Variants in EEFSEC observed in about 807,000 individuals in gnomAD.
EEFSEC encodes eukaryotic elongation factor, selenocysteine-tRNA specific.
Under a neutral mutation model 42.1 loss-of-function variants are expected in EEFSEC, and 43 were observed. That is an observed-to-expected ratio of 1.02 (90% CI 0.80 to 1.32). The LOEUF (loss-of-function observed/expected upper bound fraction) is 1.32. Among genes scored for constraint, EEFSEC ranks in the 40% most tolerant of loss-of-function variants. The probability of loss-of-function intolerance (pLI) is 0.00; values close to 1 mark genes in which losing one functional copy is unlikely to be tolerated. For synonymous variants in EEFSEC, 354 were observed against 339.1 expected, an observed-to-expected ratio of 1.04 and a Z score of -0.48; for missense variants, 745 against 803.6, an observed-to-expected ratio of 0.93 and a Z score of 0.88.
intron 6 of EEFSEC, among the ~76,000 whole-genome samples, chr3:128,385,806 G>A (rs1036975846): frequency 2.1e-4 from 32 of 152,334 alleles, no homozygotes; most frequent in African/African-American, 6.7e-4. Flanking sequence ...CAAGAGGCAG[G>A]AGGCTGAGGC....
intron 4 of EEFSEC, among the ~76,000 whole-genome samples, chr3:128,332,310 C>T (rs1464956520): frequency 6.6e-6 from 1 of 152,172 alleles, no homozygotes; most frequent in African/African-American, 2.4e-5. Flanking sequence ...TAAGTCTATA[C>T]AAGTTGAATG....
chr3:128,368,622 C>T (rs769131532), intron 6 of EEFSEC, among the ~76,000 whole-genome samples: 9 of 152,330 alleles, frequency 5.9e-5, no homozygotes, highest in Admixed American at 2.6e-4. Flanking sequence ...GGCCACTTCC[C>T]GGAAGCTTTC....
At chr3:128,416,820 G>C in the EEFSEC span, among the ~76,000 whole-genome samples, 10 of 152,154 alleles carry the variant, frequency 6.6e-5, no homozygotes, top group Non-Finnish European at 1.3e-4. Context: ...AAGGGCAATG[G>C]AGAAATGAAG....
chr3:128,313,747 A>C (rs573971390), intron 4 of EEFSEC, among the ~76,000 whole-genome samples: 3 of 152,374 alleles, frequency 2.0e-5, no homozygotes, highest in African/African-American at 7.2e-5. Flanking sequence ...TCATGTGGAC[A>C]TATATGAATG....
intron 1 of EEFSEC, among the ~76,000 whole-genome samples, chr3:128,219,053 G>A (rs760208475): frequency 6.6e-6 from 1 of 152,204 alleles, no homozygotes; most frequent in Admixed American, 6.5e-5. Flanking sequence ...CTATGCCGAG[G>A]CCTGAGCAGA....
At chr3:128,404,266 G>A (rs1559961555) in intron 6 of EEFSEC, among the ~76,000 whole-genome samples, 3 of 152,210 alleles carry the variant, frequency 2.0e-5, no homozygotes, top group Admixed American at 1.3e-4. Flanking sequence ...GTGGCTTCCC[G>A]GCCAGTCCAT....
At chr3:128,373,999 G>A (rs539015530) in intron 6 of EEFSEC, among the ~76,000 whole-genome samples, 5 of 152,286 alleles carry the variant, frequency 3.3e-5, no homozygotes, top group African/African-American at 1.2e-4. Context: ...AGAGTTGAAG[G>A]CCCACCTCCT....
intron 6 of EEFSEC, among the ~76,000 whole-genome samples, chr3:128,401,073 T>C (rs2068043222): frequency 6.6e-6 from 1 of 152,074 alleles, no homozygotes; most frequent in South Asian, 2.1e-4. Flanking sequence ...GAGGCCCTAC[T>C]GAATGACAGA....
Position 128,201,058 on chromosome 3 carries a change from GTAT to G in EEFSEC, c.317-45768_317-45766del, listed in dbSNP as rs1022991699. On this transcript the variant is annotated intron_variant, in intron 1 of 6. Coordinates refer to ENST00000254730, the MANE Select transcript of EEFSEC (RefSeq NM_021937.5). ...TCTTATCCATGCACCACCTTTATTA[GTAT>G]TATTATTATGTTTACTTTAAACAGA... is the stretch of plus-strand genomic sequence containing the variant. Among the ~76,000 whole-genome samples, 300 of 152,142 alleles carry G rather than the reference GTAT, an allele frequency of 2.0e-3. 1 individual carries two copies. Among genetic ancestry groups the G allele is most frequent in the African/African-American group, 6.9e-3 (287 of 41,490 alleles).
At chr3:128,266,149 G>T (rs1480734537) in intron 4 of EEFSEC, among the ~76,000 whole-genome samples, 1 of 152,116 alleles carries the variant, frequency 6.6e-6, no homozygotes, top group African/African-American at 2.4e-5. Context: ...CTACATTATA[G>T]GGGTCATCTG....
intron 6 of EEFSEC, among the ~76,000 whole-genome samples, chr3:128,378,152 C>T (rs983380789): frequency 6.6e-6 from 1 of 152,182 alleles, no homozygotes; most frequent in Non-Finnish European, 1.5e-5. Context: ...AGTGTATACT[C>T]GTCACCCCAA....
intron 4 of EEFSEC, among the ~76,000 whole-genome samples, chr3:128,305,132 G>T (rs972086268): frequency 2.0e-5 from 3 of 152,052 alleles, no homozygotes; most frequent in Non-Finnish European, 4.4e-5. Context: ...TTTAAATCAA[G>T]GATTATTTTT....
intron 1 of EEFSEC, among the ~76,000 whole-genome samples, chr3:128,238,377 T>C (rs140699477): frequency 1.3e-5 from 2 of 152,356 alleles, no homozygotes; most frequent in Non-Finnish European, 2.9e-5. Flanking sequence ...AGTGTATGCA[T>C]ATTCTAACAG....
chr3:128,296,294 G>A (rs995532424), intron 4 of EEFSEC, among the ~76,000 whole-genome samples: 1 of 152,306 alleles, frequency 6.6e-6, no homozygotes, highest in East Asian at 1.9e-4. Context: ...TGCAGAAAGG[G>A]TGAGTGGAGG....
At chr3:128,202,028 C>T (rs762264682) in intron 1 of EEFSEC, among the ~76,000 whole-genome samples, 23 of 151,896 alleles carry the variant, frequency 1.5e-4, no homozygotes, top group Non-Finnish European at 2.5e-4. Context: ...TTTCTGGACT[C>T]TATTGTACTT....
At chr3:128,197,302 C>T (rs1040652890) in intron 1 of EEFSEC, among the ~76,000 whole-genome samples, 6 of 152,242 alleles carry the variant, frequency 3.9e-5, no homozygotes, top group Middle Eastern at 3.4e-3. Flanking sequence ...GACGGAGTCT[C>T]GCTCTGTTGC....
At chr3:128,164,706 C>T (rs2065227353) in intron 1 of EEFSEC, among the ~76,000 whole-genome samples, 2 of 152,080 alleles carry the variant, frequency 1.3e-5, no homozygotes, top group African/African-American at 4.8e-5. Context: ...GACCTAGAGA[C>T]AAAGGGAGGG....
chr3:128,158,724 A>G (rs1467406185), intron 1 of EEFSEC, among the ~76,000 whole-genome samples: 1 of 152,262 alleles, frequency 6.6e-6, no homozygotes, highest in East Asian at 1.9e-4. Flanking sequence ...CACATTGGGA[A>G]ACCAAAAAAT....
At chr3:128,180,683 G>A (rs533677809) in intron 1 of EEFSEC, among the ~76,000 whole-genome samples, 1 of 152,324 alleles carries the variant, frequency 6.6e-6, no homozygotes, top group Admixed American at 6.5e-5. Context: ...TCCAGGCCCT[G>A]CATCGATGGG....
Sources: allele counts gnomAD v4.1 joint callset (sites outside exome capture counted in the v4.1 genomes callset), GRCh38; gene constraint gnomAD v4.1.1; transcripts MANE v1.5; gene names NCBI Gene and HGNC (gene_info 2026-07-23, HGNC 2026-07-21).